Variants in SPARCL1 observed in about 807,000 individuals in gnomAD.
The protein encoded by SPARCL1 is SPARC-like protein 1.
A neutral mutation model predicts 67.1 loss-of-function variants in SPARCL1; 52 were observed. That is an observed-to-expected ratio of 0.78 (90% CI 0.62 to 0.98). The LOEUF (loss-of-function observed/expected upper bound fraction) is 0.98. Among genes scored for constraint, SPARCL1 ranks in the 50% least tolerant of loss-of-function variants. The pLI, the probability that SPARCL1 is intolerant of heterozygous loss-of-function variation, is 0.00. For missense variants in SPARCL1, 717 were observed against 782.4 expected, an observed-to-expected ratio of 0.92 and a Z score of 1.00; for synonymous variants, 226 against 267.8, an observed-to-expected ratio of 0.84 and a Z score of 1.52.
At chr4:87,522,291 C>A (rs17705268) in intron 1 of SPARCL1, among the ~76,000 whole-genome samples, 3 of 151,778 alleles carry the variant, frequency 2.0e-5, no homozygotes, top group Non-Finnish European at 4.4e-5. Flanking sequence ...GGGCATCTGA[C>A]CTTCAACTGC....
intron 4 of SPARCL1, 132 bp from the exon 5 acceptor site, chr4:87,491,822 A>C: frequency 1.4e-6 from 1 of 704,710 alleles, no homozygotes; most frequent in Non-Finnish European, 2.5e-6. Context: ...AAGGGAAACC[A>C]GGCTGGGTGT....
chr4:87,482,341 G>C (rs1001274909), intron 8 of SPARCL1, 83 bp downstream of exon 8: 2 of 1,470,620 alleles, frequency 1.4e-6, no homozygotes, highest in East Asian at 4.6e-5. Flanking sequence ...CCAGTATGCA[G>C]AGGTAGGTAG....
intron 1 of SPARCL1, among the ~76,000 whole-genome samples, chr4:87,509,447 C>T (rs1306324145): frequency 1.3e-5 from 2 of 152,170 alleles, no homozygotes; most frequent in Non-Finnish European, 2.9e-5. Flanking sequence ...GTGTTCTTAA[C>T]TACTGTATAG....
intron 7 of SPARCL1, among the ~76,000 whole-genome samples, chr4:87,489,651 C>G (rs1724228537): frequency 1.3e-5 from 2 of 152,152 alleles, no homozygotes; most frequent in South Asian, 4.1e-4. Context: ...TGCTTCTGCC[C>G]AGAACTCACA....
rs115215008 is a variant in SPARCL1 at position 87,496,164 on chromosome 4, C to T, written c.55-1037G>A. On this transcript the variant is annotated intron_variant, in intron 2 of 10. Coordinates refer to ENST00000282470, the MANE Select transcript of SPARCL1 (RefSeq NM_004684.6). ...CTTGCCTCTGCTATTTACTTTCTAT[C>T]TGTGGTTTGACAGGTCGTTAATATT... 1.9e-3 allele frequency among the ~76,000 whole-genome samples: 287 copies of T among 152,242 alleles called. 3 individuals carry two copies. Among genetic ancestry groups the T allele is most frequent in the African/African-American group, 6.2e-3 (259 of 41,538 alleles).
intron 7 of SPARCL1, among the ~76,000 whole-genome samples, chr4:87,484,238 C>T (rs1312082292): frequency 6.6e-6 from 1 of 152,086 alleles, no homozygotes; most frequent in Admixed American, 6.6e-5. Context: ...AGTCTTTAAT[C>T]CATCTTGAGT....
At chr4:87,519,755 A>AT (rs1234541958) in intron 1 of SPARCL1, among the ~76,000 whole-genome samples, 3 of 152,204 alleles carry the variant, frequency 2.0e-5, no homozygotes, top group African/African-American at 7.2e-5. Context: ...TATCTCAGCA[A>AT]TTATAGACTT....
chr4:87,503,439 A>G (rs555934969), intron 1 of SPARCL1, among the ~76,000 whole-genome samples: 6 of 152,196 alleles, frequency 3.9e-5, no homozygotes, highest in African/African-American at 1.4e-4. Context: ...CTCTTCTTTT[A>G]TCTCAGTCAC....
At chr4:87,519,345 T>C (rs531726862) in intron 1 of SPARCL1, among the ~76,000 whole-genome samples, 2 of 152,324 alleles carry the variant, frequency 1.3e-5, no homozygotes, top group African/African-American at 2.4e-5. Context: ...GTGCTGGGAT[T>C]ACAGGCATGA....
chr4:87,505,284 A>G (rs180805693), intron 1 of SPARCL1, among the ~76,000 whole-genome samples: 2 of 152,254 alleles, frequency 1.3e-5, no homozygotes, highest in South Asian at 2.1e-4. Context: ...CCCTTAAACT[A>G]CTAAACCCAC....
chr4:87,498,257 G>C (rs1189235540), intron 2 of SPARCL1, among the ~76,000 whole-genome samples: 1 of 152,124 alleles, frequency 6.6e-6, no homozygotes, highest in Non-Finnish European at 1.5e-5. Context: ...CCTGATGGTG[G>C]GTATAAACTC....
intron 4 of SPARCL1, 99 bp downstream of exon 4, chr4:87,493,483 G>A (rs1252731292): frequency 5.0e-6 from 5 of 1,009,692 alleles, no homozygotes; most frequent in Non-Finnish European, 7.2e-6. Context: ...TGTACTAGTA[G>A]ACATCCATAC....
chr4:87,497,312 G>T, intron 2 of SPARCL1: 1 of 714,254 alleles, frequency 1.4e-6, no homozygotes, highest in Non-Finnish European at 1.7e-6. Context: ...AAAGAATGGT[G>T]GCCACTTTGG....
intron 10 of SPARCL1, among the ~76,000 whole-genome samples, chr4:87,474,964 G>T (rs571740250): frequency 6.6e-6 from 1 of 151,430 alleles, no homozygotes; most frequent in East Asian, 1.9e-4. Context: ...AGATGGTCTC[G>T]ATCTCTTGAA....
At chr4:87,499,721 G>C in intron 1 of SPARCL1, 136 bp from the exon 2 acceptor site, 2 of 714,636 alleles carry the variant, frequency 2.8e-6, no homozygotes, top group Non-Finnish European at 4.8e-6. Flanking sequence ...GGATTAATAT[G>C]TCTGAAAAGA....
At chr4:87,512,025 C>A (rs565886919) in intron 1 of SPARCL1, among the ~76,000 whole-genome samples, 1 of 137,324 alleles carries the variant, frequency 7.3e-6, no homozygotes, top group Admixed American at 7.8e-5. Flanking sequence ...AGTGCAGTGG[C>A]GTGATCTAGG....
chr4:87,499,637 A>C (rs1375076368), intron 1 of SPARCL1, 52 bp from the exon 2 acceptor site: 1 of 1,316,058 alleles, frequency 7.6e-7, no homozygotes, highest in African/African-American at 1.5e-5. Flanking sequence ...TCCTCATGAA[A>C]AACTGAAAGA....
Position 87,505,724 on chromosome 4 carries a change from G to GGTTTT in SPARCL1, c.-11-6140_-11-6139insAAAAC, listed in dbSNP as rs55992030. 2.8e-3 allele frequency among the ~76,000 whole-genome samples: 402 copies of GGTTTT among 141,104 alleles called. 9 individuals are homozygous for GGTTTT. Among genetic ancestry groups the GGTTTT allele is most frequent in the African/African-American group, 8.2e-3 (314 of 38,380 alleles). The allele number at this position is 141,104 out of a possible 152,430, so 92.6% of individuals were successfully genotyped here. A position where few individuals can be genotyped will look rare whatever the true frequency, so the allele number is the denominator to read the frequency against. On this transcript the variant is annotated intron_variant, in intron 1 of 10. Transcript: ENST00000282470. ...TGCAAACTATTATGCTCAGCTAATT[G>GGTTTT]TTTTTTTTTTTTTTTGTAGAGATGG...
At chr4:87,499,417 A>G in intron 2 of SPARCL1, 104 bp downstream of exon 2, 1 of 933,726 alleles carries the variant, frequency 1.1e-6, no homozygotes, top group Non-Finnish European at 1.7e-6. Flanking sequence ...TAAAATAAAA[A>G]GAGAATTTCA....
Sources: gnomAD v4.1 joint callset for allele counts (sites outside exome capture counted in the v4.1 genomes callset) on GRCh38, gnomAD v4.1.1 for gene constraint, MANE v1.5 for transcripts, NCBI Gene and HGNC (gene_info 2026-07-23, HGNC 2026-07-21) for gene names.